The following DNAJC14 variants were observed in gnomAD, a reference collection of about 807,000 sequenced individuals.
DNAJC14 encodes the protein DnaJ heat shock protein family (Hsp40) member C14, also known as dnaJ homolog subfamily C member 14.
A neutral mutation model predicts 68.8 loss-of-function variants in DNAJC14; 12 were observed. That is an observed-to-expected ratio of 0.17 (90% CI 0.11 to 0.28). The LOEUF (loss-of-function observed/expected upper bound fraction) is 0.28. Ranked by LOEUF, DNAJC14 falls within the 10% of genes least tolerant of loss-of-function variation. The pLI is 1.00. For synonymous variants in DNAJC14, 350 were observed against 321.5 expected (o/e 1.09, Z -0.95); for missense variants, 764 against 875.6 (o/e 0.87, Z 1.61).
At position 55,828,344 on chromosome 12, in the gene DNAJC14, C is replaced by G. The variant is rs1349032908; in HGVS notation, c.315G>C (p.Gln105His). The change falls in exon 2 of 7, where the codon CAG (glutamine) becomes CAC (histidine). Residue 105 changes from glutamine (Q) to histidine (H), a missense_variant. Physicochemically the swap from Gln to His is conservative, Grantham distance 24 (BLOSUM62 0). This residue lies in a region of DNAJC14 where 514 missense variants were observed against 521.7 expected (regional missense o/e 0.99). Coordinates refer to ENST00000678005, the MANE Select transcript of DNAJC14 (RefSeq NM_032364.6). ...CAGTCTCGTTTTCTTTTGAGAGTTC[C>G]TGGTCCACTCCTGATTCTTCTTCTG... is the stretch of plus-strand genomic sequence containing the variant. ...TSSEEESGVD[Q>H]ELSKENETGN... is the part of the protein sequence containing the mutation. 1 of 1,613,854 alleles carries G rather than the reference C, an allele frequency of 6.2e-7. No individual in the cohort carries two copies. The highest frequency in any genetic ancestry group is 2.2e-5 in the East Asian group (1 of 44,882).
intron 2 of DNAJC14, among the ~76,000 whole-genome samples, chr12:55,824,369 C>CA (rs1242362620): frequency 6.6e-6 from 1 of 152,162 alleles, no homozygotes; most frequent in Non-Finnish European, 1.5e-5. Flanking sequence ...ATCATGGTCT[C>CA]AGAGACTTTA....
upstream of DNAJC14, chr12:55,829,682 G>A (rs1880920636): frequency 2.2e-6 from 2 of 913,992 alleles, no homozygotes; most frequent in Non-Finnish European, 2.6e-6. Context: ...AGAAATAGCG[G>A]TTGGCTGAGA....
chr12:55,825,907 C>T (rs1880782830), intron 2 of DNAJC14, among the ~76,000 whole-genome samples: 2 of 152,100 alleles, frequency 1.3e-5, no homozygotes, highest in Middle Eastern at 6.3e-3. Context: ...ATGCATACAC[C>T]TCCATTTTCT....
At position 55,827,723 on chromosome 12, in the gene DNAJC14, C is replaced by T; in HGVS notation, c.936G>A (p.Gly312=). The change falls in exon 2 of 7, where the codon GGG becomes GGA. Residue 312 remains glycine, a synonymous_variant. Coordinates refer to ENST00000678005, the MANE Select transcript of DNAJC14 (RefSeq NM_032364.6). ...TAAACAGTCCTACTCCACAGTAAAA[C>T]CCCTGGCTTAGAAACTGAAACATGA... ...AQVMFQFLSQ[G]FYCGVGLFTR... 6.2e-7 allele frequency: 1 copy of T among 1,614,176 alleles called. No individual in the cohort carries two copies. The highest frequency in any genetic ancestry group is 1.3e-5 in the African/African-American group (1 of 75,064).
At chr12:55,822,350 T>C in intron 6 of DNAJC14, 23 bp downstream of exon 6, 2 of 1,607,646 alleles carry the variant, frequency 1.2e-6, no homozygotes, top group Non-Finnish European at 1.7e-6. Context: ...AGTGGATAGA[T>C]TATTGACAGA....
intron 2 of DNAJC14, among the ~76,000 whole-genome samples, chr12:55,825,310 T>C (rs551247588): frequency 8.5e-5 from 13 of 152,224 alleles, no homozygotes; most frequent in African/African-American, 3.1e-4. Context: ...TTGAGGTAAT[T>C]TGCACACTGT....
Position 55,827,852 on chromosome 12 carries a change from A to G in DNAJC14, c.807T>C (p.Cys269=). ...GCCTGCAGGCATAGATGAGATGGCC[A>G]CAAGTTTCTACGTACTCTCCCACCA... is the stretch of plus-strand genomic sequence containing the variant. ...LVLVGEYVET[C]GHLIYACRQL... is the part of the protein sequence containing the mutation. Residue 269 remains cysteine (C), a synonymous_variant, in exon 2 of 7, where the codon TGT becomes TGC. Transcript: ENST00000678005. 1 of 1,613,822 alleles carries G rather than the reference A, an allele frequency of 6.2e-7. No homozygotes were observed. The highest frequency in any genetic ancestry group is 8.5e-7 in the Non-Finnish European group (1 of 1,179,784).
rs1483139890 is a variant in DNAJC14, at chr12:55,829,412, T to C, written c.-57+77A>G. On this transcript the variant is annotated intron_variant, in intron 1 of 6. Coordinates refer to ENST00000678005, the MANE Select transcript of DNAJC14 (RefSeq NM_032364.6). Reference sequence around the variant, plus strand: ...GTGAACCGAGATCGTGCCACTGTACTCCAGTCTGGGTGACAGAGCGAGACT... The same window carrying C: ...GTGAACCGAGATCGTGCCACTGTACCCCAGTCTGGGTGACAGAGCGAGACT... 4 of 978,020 alleles carry C rather than the reference T, an allele frequency of 4.1e-6. No homozygotes were observed. In the African/African-American group the frequency reaches 5.5e-5, roughly 13 times the overall value. 60.6% of individuals were successfully genotyped at this position (978,020 alleles called of 1,614,324 possible). A position where few individuals can be genotyped will look rare whatever the true frequency, so the allele number is the denominator to read the frequency against.
intron 1 of DNAJC14, among the ~76,000 whole-genome samples, chr12:55,828,952 A>C (rs1880884705): frequency 6.6e-6 from 1 of 152,120 alleles, no homozygotes; most frequent in Non-Finnish European, 1.5e-5. Context: ...ATAACCTTCA[A>C]TCAGGGAAAC....
chr12:55,822,806 T>C, intron 4 of DNAJC14, 74 bp from the exon 5 acceptor site: 1 of 1,554,790 alleles, frequency 6.4e-7, no homozygotes, highest in South Asian at 1.2e-5. Context: ...GTCTTACCAT[T>C]ATTCACAAAT....
chr12:55,826,146 G>A (rs890978525), intron 2 of DNAJC14, among the ~76,000 whole-genome samples: 10 of 152,016 alleles, frequency 6.6e-5, no homozygotes, highest in African/African-American at 1.4e-4. Flanking sequence ...TCCAGTTAGA[G>A]GGACTTCACC....
Position 55,828,584 on chromosome 12 carries a change from T to G in DNAJC14, c.75A>C (p.Leu25Phe), listed in dbSNP as rs1880871649. 3.7e-6 allele frequency: 6 copies of G among 1,614,118 alleles called. No homozygotes were observed. The highest frequency in any genetic ancestry group is 5.1e-6 in the Non-Finnish European group (6 of 1,180,018). The change falls in exon 2 of 7, where the codon TTA becomes TTC. Residue 25 changes from leucine (L) to phenylalanine (F), a missense_variant. Leu to Phe is a conservative substitution (Grantham distance 22, BLOSUM62 0). Transcript: ENST00000678005. ...GTATTTCAGGGTCCACGGAGGGTCC[T>G]AAAGTCCTGAGGGAGGCACCACCAC... ...HHSGGASLRT[L>F]GPSVDPEIPS...
intron 2 of DNAJC14, among the ~76,000 whole-genome samples, chr12:55,825,841 G>A (rs1233895597): frequency 6.6e-6 from 1 of 151,412 alleles, no homozygotes; most frequent in Non-Finnish European, 1.5e-5. Context: ...ACCGCGCCTG[G>A]CCCTGCACAC....
chr12:55,823,609 G>A, intron 2 of DNAJC14, 101 bp from the exon 3 acceptor site: 2 of 969,860 alleles, frequency 2.1e-6, no homozygotes, highest in Non-Finnish European at 1.6e-6. Context: ...CCCTTTTGAA[G>A]AGTCAGTGTA....
At chr12:55,827,190 CAAAAA>C (rs67133580) in intron 2 of DNAJC14, 57 bp downstream of exon 2, 148 of 1,157,156 alleles carry the variant, frequency 1.3e-4, no homozygotes, top group South Asian at 6.7e-4. Context: ...GACTACATCT[CAAAAA>C]AAAAAAAAAA....
intron 6 of DNAJC14, 31 bp downstream of exon 6, chr12:55,822,342 T>G (rs759574447): frequency 1.2e-6 from 2 of 1,601,260 alleles, no homozygotes; most frequent in Middle Eastern, 2.3e-4. Context: ...ACTGAAATAG[T>G]GGATAGATTA....
chr12:55,826,746 C>T, intron 2 of DNAJC14, among the ~76,000 whole-genome samples: 1 of 149,856 alleles, frequency 6.7e-6, no homozygotes, highest in Non-Finnish European at 1.5e-5. Flanking sequence ...TTTGCGTGAG[C>T]CAAGATCACG....
chr12:55,828,218 A>G lies in DNAJC14; in HGVS notation c.441T>C (p.Asn147=). The part of the protein sequence containing the change: ...IPEGPYSEGG[N]GSSSNFCHHC... ...GGTGGCAAAAGTTGCTAGAAGAACCATTTCCTCCCTCAGAGTAAGGCCCTT... is the reference window on the plus strand; with the variant it reads ...GGTGGCAAAAGTTGCTAGAAGAACCGTTTCCTCCCTCAGAGTAAGGCCCTT... The change falls in exon 2 of 7, where the codon AAT becomes AAC. Residue 147 remains asparagine (N), a synonymous_variant. Coordinates refer to ENST00000678005, the MANE Select transcript of DNAJC14 (RefSeq NM_032364.6). 1.2e-6 allele frequency: 2 copies of G among 1,610,604 alleles called. No individual in the cohort carries two copies. The highest frequency in any genetic ancestry group is 8.5e-7 in the Non-Finnish European group (1 of 1,178,542).
chr12:55,827,866 A>T lies in DNAJC14; in HGVS notation c.793T>A (p.Tyr265Asn). ...ATGAGATGGCCACAAGTTTCTACGT[A>T]CTCTCCCACCAATACCAGCAGTTCA... ...LIELLVLVGE[Y>N]VETCGHLIYA... The change falls in exon 2 of 7, where the codon TAC becomes AAC. Residue 265 changes from tyrosine (Y) to asparagine (N), a missense_variant. Tyr to Asn is a moderately radical substitution (Grantham distance 143). This residue lies in a region of DNAJC14 where 514 missense variants were observed against 521.7 expected (regional missense o/e 0.99). Coordinates refer to ENST00000678005, the MANE Select transcript of DNAJC14 (RefSeq NM_032364.6). The T allele has an allele frequency of 6.2e-7, 1 of 1,612,578 alleles. No individual in the cohort carries two copies. Among genetic ancestry groups the T allele is most frequent in the Non-Finnish European group, 8.5e-7 (1 of 1,179,260 alleles).
Sources: gnomAD v4.1 joint callset for allele counts (sites outside exome capture counted in the v4.1 genomes callset) on GRCh38, gnomAD v4.1.1 for gene constraint, gnomAD v4.1.1 regional missense constraint, MANE v1.5 for transcripts, NCBI Gene and HGNC (gene_info 2026-07-23, HGNC 2026-07-21) for gene names.